Variants in NOL4 observed in about 807,000 individuals in gnomAD.
NOL4 encodes the protein nucleolar protein 4, also known as cancer/testis antigen 125.
A neutral mutation model predicts 75.9 loss-of-function variants in NOL4; 17 were observed. The observed-to-expected ratio is 0.22, with a 90% CI of 0.15 to 0.34. The LOEUF (loss-of-function observed/expected upper bound fraction) is 0.34. NOL4 is among the 10% of genes least tolerant of loss of function. The pLI is 1.00. For missense variants in NOL4, 614 were observed against 793.5 expected, an observed-to-expected ratio of 0.77 and a Z score of 2.72; for synonymous variants, 292 against 289.9, an observed-to-expected ratio of 1.01 and a Z score of -0.07.
chr18:33,852,667 A>G lies in NOL4; in HGVS notation c.*175T>C. 1 of 583,558 alleles carries G rather than the reference A, an allele frequency of 1.7e-6. No individual in the cohort carries two copies. The highest frequency in any genetic ancestry group is 3.3e-5 in the Admixed American group (1 of 30,450). 36.1% of individuals were successfully genotyped at this position (583,558 alleles called of 1,614,324 possible). A position where few individuals can be genotyped will look rare whatever the true frequency, so the allele number is the denominator to read the frequency against. On this transcript the variant is annotated 3_prime_UTR_variant, in exon 11 of 11. Coordinates refer to ENST00000261592, the MANE Select transcript of NOL4 (RefSeq NM_003787.5). ...GTAGCTCAAGTACTTCAGAGGTCAG[A>G]GTTCCTTTGAAGCACCTTAACACAT...
At chr18:34,138,504 T>C (rs2145967947) in intron 1 of NOL4, among the ~76,000 whole-genome samples, 1 of 152,302 alleles carries the variant, frequency 6.6e-6, no homozygotes, top group Middle Eastern at 3.4e-3. Flanking sequence ...AAGTATCTTT[T>C]AGGAGGGACA....
chr18:34,193,934 T>C (rs1049094752), intron 1 of NOL4, among the ~76,000 whole-genome samples: 1 of 152,118 alleles, frequency 6.6e-6, no homozygotes, highest in Admixed American at 6.5e-5. Context: ...TGCAACAACA[T>C]GGATGAAGCT....
intron 5 of NOL4, among the ~76,000 whole-genome samples, chr18:34,075,401 G>T (rs1248458438): frequency 6.6e-6 from 1 of 152,156 alleles, no homozygotes; most frequent in Non-Finnish European, 1.5e-5. Flanking sequence ...TATTGCCACT[G>T]AATAGAGCCA....
At chr18:33,934,113 T>C (rs768267914) in intron 9 of NOL4, among the ~76,000 whole-genome samples, 3 of 152,128 alleles carry the variant, frequency 2.0e-5, no homozygotes, top group Non-Finnish European at 4.4e-5. Flanking sequence ...GGTGACTAAG[T>C]GCATTGTCAA....
chr18:34,148,242 T>G (rs752096551), intron 1 of NOL4, among the ~76,000 whole-genome samples: 1 of 152,116 alleles, frequency 6.6e-6, no homozygotes, highest in Non-Finnish European at 1.5e-5. Context: ...TTGTTATCTC[T>G]TGTCTTCTGC....
At chr18:34,059,375 G>A (rs915146711) in intron 5 of NOL4, among the ~76,000 whole-genome samples, 28 of 151,994 alleles carry the variant, frequency 1.8e-4, no homozygotes, top group African/African-American at 6.5e-4. Context: ...CTGATGCCAT[G>A]TCCTGTATAT....
At chr18:34,125,139 T>C (rs1211520327) in intron 2 of NOL4, among the ~76,000 whole-genome samples, 1 of 152,162 alleles carries the variant, frequency 6.6e-6, no homozygotes, top group Non-Finnish European at 1.5e-5. Flanking sequence ...TATATAAAAA[T>C]ACAGGGGTCA....
chr18:34,203,685 C>CCT (rs1226376797), intron 1 of NOL4, among the ~76,000 whole-genome samples: 2,707 of 100,498 alleles, frequency 0.027, 92 homozygotes, highest in Admixed American at 0.081. Context: ...TCTCTCTCTC[C>CCT]CTCTCTCTCT....
intron 9 of NOL4, among the ~76,000 whole-genome samples, chr18:33,910,677 G>A (rs766077460): frequency 4.6e-5 from 7 of 151,986 alleles, no homozygotes; most frequent in Non-Finnish European, 8.8e-5. Flanking sequence ...CCAGGATGAC[G>A]GTGTTGTTCA....
At chr18:33,986,311 G>A (rs2072449659) in intron 6 of NOL4, among the ~76,000 whole-genome samples, 1 of 152,044 alleles carries the variant, frequency 6.6e-6, no homozygotes, top group Non-Finnish European at 1.5e-5. Flanking sequence ...CAGAGGAACT[G>A]TAAACCAAAG....
At chr18:33,877,199 C>G (rs1054692186) in intron 10 of NOL4, among the ~76,000 whole-genome samples, 15 of 151,744 alleles carry the variant, frequency 9.9e-5, no homozygotes, top group African/African-American at 2.4e-5. Flanking sequence ...GTTGCTGTGT[C>G]CTTGAGATAT....
At chr18:34,090,786 G>C (rs2078477700) in intron 5 of NOL4, among the ~76,000 whole-genome samples, 1 of 152,106 alleles carries the variant, frequency 6.6e-6, no homozygotes, top group South Asian at 2.1e-4. Context: ...TTGGTGGCAA[G>C]GATGAAAGCC....
rs757468064 is a variant in NOL4, at chr18:33,889,638, AT to A, written c.1543-6215del. Reference sequence around the variant, plus strand: ...ATGAACATCGATGTGAAAATCCTCAATAAAATACTGGCAAACCGAATCCAAC... The same window carrying A: ...ATGAACATCGATGTGAAAATCCTCAAAAAATACTGGCAAACCGAATCCAAC... On this transcript the variant is annotated intron_variant, in intron 9 of 10. Coordinates refer to ENST00000261592, the MANE Select transcript of NOL4 (RefSeq NM_003787.5). 2.6e-5 allele frequency among the ~76,000 whole-genome samples: 4 copies of A among 152,274 alleles called. No individual in the cohort carries two copies. In the East Asian group the frequency reaches 7.7e-4, roughly 29 times the overall value.
chr18:33,964,985 C>G (rs1318433866), intron 6 of NOL4, among the ~76,000 whole-genome samples: 1 of 151,794 alleles, frequency 6.6e-6, no homozygotes, highest in Non-Finnish European at 1.5e-5. Flanking sequence ...CAAAGAAACC[C>G]AAAGCAAGAG....
At chr18:33,905,054 C>T (rs1450289771) in intron 9 of NOL4, among the ~76,000 whole-genome samples, 1 of 152,178 alleles carries the variant, frequency 6.6e-6, no homozygotes, top group Non-Finnish European at 1.5e-5. Context: ...ATTAGAGTAG[C>T]TCCCTCAAGT....
intron 1 of NOL4, among the ~76,000 whole-genome samples, chr18:34,146,860 G>A (rs962253723): frequency 2.6e-5 from 4 of 152,134 alleles, no homozygotes; most frequent in Middle Eastern, 6.8e-3. Context: ...AACATGGAAT[G>A]TTTTTCCATT....
At chr18:33,872,882 C>T (rs147111045) in intron 10 of NOL4, among the ~76,000 whole-genome samples, 8 of 152,046 alleles carry the variant, frequency 5.3e-5, no homozygotes, top group South Asian at 2.1e-4. Flanking sequence ...TACTTTAAGT[C>T]AGGTCATCAA....
At chr18:34,214,989 G>C (rs2036779205) in intron 1 of NOL4, among the ~76,000 whole-genome samples, 1 of 152,108 alleles carries the variant, frequency 6.6e-6, no homozygotes, top group Non-Finnish European at 1.5e-5. Flanking sequence ...AAACTAAAAT[G>C]GCACTTCACC....
chr18:33,915,382 G>T (rs971209288), intron 9 of NOL4, among the ~76,000 whole-genome samples: 1 of 151,996 alleles, frequency 6.6e-6, no homozygotes, highest in Non-Finnish European at 1.5e-5. Context: ...CTGAGGGAAG[G>T]TGTAGATAAT....
Sources: gnomAD v4.1 joint callset for allele counts (sites outside exome capture counted in the v4.1 genomes callset) on GRCh38, gnomAD v4.1.1 for gene constraint, MANE v1.5 for transcripts, NCBI Gene and HGNC (gene_info 2026-07-23, HGNC 2026-07-21) for gene names.